The following PLPPR5 variants were observed in gnomAD, a reference collection of about 807,000 sequenced individuals.
PLPPR5 encodes the protein phospholipid phosphatase-related protein type 5.
In PLPPR5, 16 loss-of-function variants were observed where a neutral mutation model predicts 33.9. The ratio of observed to expected loss-of-function variants is 0.47; its 90% CI spans 0.32 to 0.72. The LOEUF (loss-of-function observed/expected upper bound fraction) is 0.72, where lower values mean the gene tolerates loss of function less well. PLPPR5 is among the 30% of genes least tolerant of loss of function. PLPPR5 has a pLI of 0.03. For missense variants in PLPPR5, 301 were observed against 406.7 expected (o/e 0.74, Z 2.23); for synonymous variants, 163 against 150.3 (o/e 1.08, Z -0.62).
chr1:98,911,868 T>G (rs1649163768), intron 5 of PLPPR5, among the ~76,000 whole-genome samples: 1 of 151,972 alleles, frequency 6.6e-6, no homozygotes, highest in South Asian at 2.1e-4. Context: ...CAAGCAATCC[T>G]CCTATCTCAG....
intron 2 of PLPPR5, among the ~76,000 whole-genome samples, chr1:98,955,360 A>G (rs765272030): frequency 3.9e-5 from 6 of 152,142 alleles, no homozygotes; most frequent in Non-Finnish European, 5.9e-5. Flanking sequence ...AATTTGCTTA[A>G]CAGTATTTAG....
At position 98,956,512 on chromosome 1, in the gene PLPPR5, A is replaced by C. The variant is rs141957594; in HGVS notation, c.370+97T>G. 2,373 of 1,208,428 alleles carry C rather than the reference A, an allele frequency of 2.0e-3. 15 individuals are homozygous for C. The Admixed American group carries it at 0.027, about 14-fold the overall frequency. 74.9% of individuals were successfully genotyped at this position (1,208,428 alleles called of 1,614,324 possible). ...AAACATTTCAAAGAAAAAAACCCCT[A>C]ATATTTGCAAACAGTTAACATGTGG... On this transcript the variant is annotated intron_variant, in intron 2 of 5. Transcript: ENST00000263177.
At chr1:98,929,861 C>T (rs1474302949) in intron 3 of PLPPR5, among the ~76,000 whole-genome samples, 2 of 152,172 alleles carry the variant, frequency 1.3e-5, no homozygotes, top group African/African-American at 2.4e-5. Flanking sequence ...CACACATATT[C>T]ACCACTTAAC....
intron 5 of PLPPR5, among the ~76,000 whole-genome samples, chr1:98,895,982 A>G (rs577593317): frequency 1.3e-5 from 2 of 152,084 alleles, no homozygotes; most frequent in South Asian, 2.1e-4. Context: ...TAATGAACCT[A>G]TATCATAAAT....
At chr1:98,897,065 T>C (rs1648505891) in intron 5 of PLPPR5, among the ~76,000 whole-genome samples, 1 of 152,194 alleles carries the variant, frequency 6.6e-6, no homozygotes, top group African/African-American at 2.4e-5. Context: ...GCTAAATTCA[T>C]ATTAATGATT....
In PLPPR5 at chr1:98,948,873, T is replaced by C. The variant is rs188677903; in HGVS notation, c.621+4197A>G. ...CTGACAGTAACAGATTGTTGTTGTT[T>C]TAAGGTCTAGGGTGGTTTATAATGC... is the stretch of plus-strand genomic sequence containing the variant. On this transcript the variant is annotated intron_variant, in intron 3 of 5. Transcript: ENST00000263177. Among the ~76,000 whole-genome samples the C allele has an allele frequency of 2.6e-3, 393 of 152,234 alleles. 2 individuals are homozygous for C. Among genetic ancestry groups the C allele is most frequent in the African/African-American group, 9.0e-3 (374 of 41,534 alleles).
intron 1 of PLPPR5, among the ~76,000 whole-genome samples, chr1:98,959,953 C>G (rs1197912124): frequency 6.6e-6 from 1 of 152,072 alleles, no homozygotes; most frequent in African/African-American, 2.4e-5. Flanking sequence ...TCTAGACTAG[C>G]TCTTTCCAGC....
chr1:98,998,293 T>C (rs1272025693), intron 1 of PLPPR5, among the ~76,000 whole-genome samples: 4 of 152,144 alleles, frequency 2.6e-5, no homozygotes, highest in Non-Finnish European at 5.9e-5. Flanking sequence ...CACCTCTCCA[T>C]ATACCACGGT....
chr1:98,998,838 T>A (rs1652725540), intron 1 of PLPPR5, among the ~76,000 whole-genome samples: 1 of 152,174 alleles, frequency 6.6e-6, no homozygotes, highest in Non-Finnish European at 1.5e-5. Flanking sequence ...TTCTCATTTA[T>A]AAAATAAATA....
At chr1:98,914,736 T>C (rs780655287) in intron 5 of PLPPR5, 50 bp downstream of exon 5, 12 of 1,506,686 alleles carry the variant, frequency 8.0e-6, no homozygotes, top group Non-Finnish European at 1.0e-5. Context: ...ACAGGAATAA[T>C]GATTCATTTG....
chr1:98,960,993 C>G lies in PLPPR5; in HGVS notation c.238-4252G>C, dbSNP rs183361481. On this transcript the variant is annotated intron_variant, in intron 1 of 5. Coordinates refer to ENST00000263177, the MANE Select transcript of PLPPR5 (RefSeq NM_001037317.2). ...GTTCAAAGATTCTCCATGAGCCTGA[C>G]CAAATCCTTGTTGGAGCCATGTTTC... is the stretch of plus-strand genomic sequence containing the variant. Among the ~76,000 whole-genome samples the G allele has an allele frequency of 5.0e-3, 756 of 152,274 alleles. 8 individuals carry two copies. Among genetic ancestry groups the G allele is most frequent in the African/African-American group, 0.017 (720 of 41,558 alleles).
intron 4 of PLPPR5, among the ~76,000 whole-genome samples, chr1:98,920,608 A>AAAAAAAAAAAAAAAAAAAAAAAAAC (rs1649515263): frequency 6.7e-6 from 1 of 150,312 alleles, no homozygotes; most frequent in Non-Finnish European, 1.5e-5. Flanking sequence ...AAAAAAAAAA[A>AAAAAAAAAAAAAAAAAAAAAAAAAC]AGCAGCACAG....
chr1:98,999,162 C>G (rs1557698488), intron 1 of PLPPR5, among the ~76,000 whole-genome samples: 1 of 152,190 alleles, frequency 6.6e-6, no homozygotes, highest in Non-Finnish European at 1.5e-5. Context: ...AATCCACTAA[C>G]AAACAAAAGT....
chr1:98,934,735 T>C (rs1319914626), intron 3 of PLPPR5, among the ~76,000 whole-genome samples: 2 of 152,192 alleles, frequency 1.3e-5, no homozygotes, highest in East Asian at 3.9e-4. Flanking sequence ...GTCTCAAGTA[T>C]AAAAAGACTC....
At chr1:98,933,893 G>A (rs1345759561) in intron 3 of PLPPR5, among the ~76,000 whole-genome samples, 1 of 152,206 alleles carries the variant, frequency 6.6e-6, no homozygotes, top group Middle Eastern at 3.2e-3. Flanking sequence ...GAGAATCATG[G>A]TGGGAAAACT....
intron 5 of PLPPR5, among the ~76,000 whole-genome samples, chr1:98,901,045 G>C (rs910544501): frequency 3.3e-5 from 5 of 152,082 alleles, no homozygotes; most frequent in Non-Finnish European, 7.4e-5. Context: ...GTTTGTATCA[G>C]CTTTATTCAT....
At chr1:98,898,232 C>T (rs571234925) in intron 5 of PLPPR5, among the ~76,000 whole-genome samples, 1 of 152,172 alleles carries the variant, frequency 6.6e-6, no homozygotes, top group South Asian at 2.1e-4. Context: ...CTTGTGTAAC[C>T]AAATATACAT....
chr1:98,986,116 A>G (rs954577496), intron 1 of PLPPR5, among the ~76,000 whole-genome samples: 2 of 152,004 alleles, frequency 1.3e-5, no homozygotes, highest in Non-Finnish European at 2.9e-5. Flanking sequence ...TTAAAGTCAC[A>G]TTATATTAAA....
At chr1:98,976,442 T>C (rs935137897) in intron 1 of PLPPR5, among the ~76,000 whole-genome samples, 1 of 152,106 alleles carries the variant, frequency 6.6e-6, no homozygotes, top group Non-Finnish European at 1.5e-5. Flanking sequence ...TATTCAGATA[T>C]ATCTTCTAAA....
Sources: gnomAD v4.1 joint callset for allele counts (sites outside exome capture counted in the v4.1 genomes callset) on GRCh38, gnomAD v4.1.1 for gene constraint, MANE v1.5 for transcripts, NCBI Gene and HGNC (gene_info 2026-07-23, HGNC 2026-07-21) for gene names.